ZNF541: variants seen among roughly 807,000 people sequenced by gnomAD.
The protein encoded by ZNF541 is zinc finger protein 541.
ZNF541 carries 23 observed loss-of-function variants against 123.5 expected under a neutral mutation model. The ratio of observed to expected loss-of-function variants is 0.19; its 90% CI spans 0.13 to 0.26. ZNF541 has a LOEUF of 0.26. Ranked by LOEUF, ZNF541 falls within the 10% of genes least tolerant of loss-of-function variation. The pLI is 1.00. For missense variants in ZNF541, 1,612 were observed against 1,789.9 expected, an observed-to-expected ratio of 0.90 and a Z score of 1.79; for synonymous variants, 751 against 754.5, an observed-to-expected ratio of 1.00 and a Z score of 0.08.
chr19:47,530,465 C>T (rs1013243998), intron 12 of ZNF541, among the ~76,000 whole-genome samples: 12 of 151,398 alleles, frequency 7.9e-5, no homozygotes, highest in South Asian at 2.1e-4. Flanking sequence ...GGATTACAGG[C>T]GTGAGCCATG....
intron 3 of ZNF541, among the ~76,000 whole-genome samples, chr19:47,553,963 A>C (rs1970712199): frequency 6.6e-6 from 1 of 152,244 alleles, no homozygotes. Flanking sequence ...TTAACAGTCC[A>C]AACAGCAAGA....
At position 47,522,456 on chromosome 19, in the gene ZNF541, G is replaced by A. The variant is rs542562072; in HGVS notation, c.3571-462C>T. ...TGTGAACCTAGGGGATTATTTTCCC[G>A]TTCCTCCACTAAGAAAGGATCCCAC... On this transcript the variant is annotated intron_variant, in intron 14 of 16. Transcript: ENST00000391901. 2.6e-5 allele frequency among the ~76,000 whole-genome samples: 4 copies of A among 152,258 alleles called. No individual in the cohort carries two copies. In the East Asian group the frequency reaches 7.7e-4, roughly 29 times the overall value.
chr19:47,556,840 C>G (rs751361604), intron 2 of ZNF541, among the ~76,000 whole-genome samples: 1 of 151,418 alleles, frequency 6.6e-6, no homozygotes, highest in Non-Finnish European at 1.5e-5. Flanking sequence ...TCACTGCAAC[C>G]TCTGCCTCCC....
chr19:47,548,874 A>C (rs1269200173), intron 4 of ZNF541, among the ~76,000 whole-genome samples: 1 of 152,060 alleles, frequency 6.6e-6, no homozygotes, highest in African/African-American at 2.4e-5. Flanking sequence ...TCAGGAGTTC[A>C]AGATCAGCCT....
intron 2 of ZNF541, among the ~76,000 whole-genome samples, chr19:47,558,362 G>A (rs1034265402): frequency 6.6e-6 from 1 of 151,868 alleles, no homozygotes; most frequent in African/African-American, 2.4e-5. Context: ...CTTGCAGTGA[G>A]CCGAGATCGT....
intron 5 of ZNF541, among the ~76,000 whole-genome samples, chr19:47,541,417 A>AAAAAAAT (rs530078048): frequency 3.3e-5 from 5 of 152,170 alleles, no homozygotes; most frequent in African/African-American, 1.2e-4. Flanking sequence ...CCTGTCTCAA[A>AAAAAAAT]AAAAAATAAA....
chr19:47,533,587 A>G (rs1321306237), intron 9 of ZNF541, among the ~76,000 whole-genome samples: 1 of 152,118 alleles, frequency 6.6e-6, no homozygotes, highest in Non-Finnish European at 1.5e-5. Flanking sequence ...TCACGCCTGT[A>G]ATCCCAGCAC....
At chr19:47,552,981 C>T (rs1358439155) in intron 3 of ZNF541, among the ~76,000 whole-genome samples, 1 of 150,530 alleles carries the variant, frequency 6.6e-6, no homozygotes, top group Non-Finnish European at 1.5e-5. Context: ...TGGTGGGGGA[C>T]ACCTGTAATC....
chr19:47,541,554 G>A (rs1301233358), intron 5 of ZNF541, among the ~76,000 whole-genome samples: 2 of 152,116 alleles, frequency 1.3e-5, no homozygotes, highest in African/African-American at 2.4e-5. Flanking sequence ...AATATATAGA[G>A]AACTCAAAAA....
At chr19:47,529,546 C>A in intron 13 of ZNF541, 31 bp downstream of exon 13, 4 of 1,550,250 alleles carry the variant, frequency 2.6e-6, no homozygotes, top group Non-Finnish European at 3.5e-6. Flanking sequence ...CTCAGCTGGG[C>A]CAAACCAGCT....
intron 8 of ZNF541, 93 bp downstream of exon 8, chr19:47,539,612 G>T (rs1969986587): frequency 1.5e-6 from 2 of 1,319,332 alleles, no homozygotes; most frequent in African/African-American, 1.6e-5. Flanking sequence ...TGGAGTCAAA[G>T]ATTTTCTGTG....
rs1007175964 is a variant in ZNF541, at chr19:47,553,791, C to T, written c.307+1759G>A. Among the ~76,000 whole-genome samples, 33 of 152,150 alleles carry T rather than the reference C, an allele frequency of 2.2e-4. 1 individual carries two copies. The highest frequency in any genetic ancestry group is 8.0e-4 in the African/African-American group (33 of 41,430). On this transcript the variant is annotated intron_variant, in intron 3 of 16. Coordinates refer to ENST00000391901, the MANE Select transcript of ZNF541 (RefSeq NM_001277075.3). Reference sequence around the variant, plus strand: ...CTTATCTCAAGCGATCCGCCCACCTCAGCCTCCCAAAGTACTAGGATTATA... The same window carrying T: ...CTTATCTCAAGCGATCCGCCCACCTTAGCCTCCCAAAGTACTAGGATTATA...
In ZNF541 at chr19:47,538,284, G is replaced by A. The variant is rs1354048300; in HGVS notation, c.2952C>T (p.Leu984=). The A allele has an allele frequency of 4.5e-6, 7 of 1,550,706 alleles. No homozygotes were observed. The highest frequency in any genetic ancestry group is 6.1e-6 in the Non-Finnish European group (7 of 1,146,480). ...LRSPMFLVDC[L]LKGLFQCSPY... is the part of the protein sequence containing the mutation. ...GGGAGCACTGGAATAAGCCCTTCAG[G>A]AGGCAGTCCACCAGGAACATGGGTG... Residue 984 remains leucine, a synonymous_variant, in exon 9 of 17, where the codon CTC becomes CTT. Coordinates refer to ENST00000391901, the MANE Select transcript of ZNF541 (RefSeq NM_001277075.3).
chr19:47,532,956 G>A lies in ZNF541; in HGVS notation c.3111C>T (p.Ser1037=). Residue 1037 remains serine (S), a synonymous_variant, in exon 10 of 17, where the codon TCC becomes TCT. Transcript: ENST00000391901. The part of the protein sequence containing the change: ...ISSMLDQVDG[S]FGICVVKDDT... ...CATCCTTCACCACACAGATGCCAAAGGACCCATCCACTTGATCTAGAAAGC... is the reference window on the plus strand; with the variant it reads ...CATCCTTCACCACACAGATGCCAAAAGACCCATCCACTTGATCTAGAAAGC... 1 of 1,549,408 alleles carries A rather than the reference G, an allele frequency of 6.5e-7. No homozygotes were observed. The highest frequency in any genetic ancestry group is 8.7e-7 in the Non-Finnish European group (1 of 1,145,788).
rs575334183 is a variant in ZNF541, at chr19:47,555,890, C to T, written c.-34G>A. 1 of 1,523,520 alleles carries T rather than the reference C, an allele frequency of 6.6e-7. No homozygotes were observed. Among genetic ancestry groups the T allele is most frequent in the African/African-American group, 1.4e-5 (1 of 72,472 alleles). The allele number at this position is 1,523,520 out of a possible 1,614,324, so 94.4% of individuals were successfully genotyped here. ...ACTGCCAGGTCTTGGCCAAAAGCTA[C>T]TCTCCAGATAAGCAAAACCATGTAA... is the stretch of plus-strand genomic sequence containing the variant. On this transcript the variant is annotated 5_prime_UTR_variant, in exon 3 of 17. Transcript: ENST00000391901.
chr19:47,528,840 G>GC (rs1264300116), intron 14 of ZNF541, 110 bp downstream of exon 14: 1 of 761,818 alleles, frequency 1.3e-6, no homozygotes, highest in African/African-American at 1.7e-5. Flanking sequence ...TAAGAGTGCT[G>GC]CCACAGGCAG....
At chr19:47,538,513 G>A in intron 8 of ZNF541, 74 bp from the exon 9 acceptor site, 1 of 1,402,704 alleles carries the variant, frequency 7.1e-7, no homozygotes, top group Non-Finnish European at 9.4e-7. Context: ...GATGGAAAGA[G>A]AGCAGGAAAA....
chr19:47,545,255 C>T lies in ZNF541; in HGVS notation c.1274G>A (p.Ser425Asn), dbSNP rs1158658121. ...GACAACAAACACGTTGTTGCCTTTG[C>T]TTTTGGGACAGCCCGGCAGGTTCCG... ...WLRNLPGCPKSKGNNVFVVHK... is the reference protein window; with the variant it reads ...WLRNLPGCPKNKGNNVFVVHK... The change falls in exon 5 of 17, where the codon AGC becomes AAC. Residue 425 changes from serine (S) to asparagine (N), a missense_variant. By Grantham distance (46) the Ser-to-Asn change is conservative. Coordinates refer to ENST00000391901, the MANE Select transcript of ZNF541 (RefSeq NM_001277075.3). This position sits in a 1 kb window ranked among gnomAD's most constrained non-coding sequence, Gnocchi z 7.5. The T allele has an allele frequency of 6.5e-7, 1 of 1,548,824 alleles. No homozygotes were observed. Among genetic ancestry groups the T allele is most frequent in the East Asian group, 2.4e-5 (1 of 40,894 alleles).
intron 2 of ZNF541, among the ~76,000 whole-genome samples, chr19:47,561,814 A>G (rs1450320533): frequency 6.6e-6 from 1 of 152,144 alleles, no homozygotes; most frequent in African/African-American, 2.4e-5. Flanking sequence ...CCCACAAAGA[A>G]CACAATCTTT....
Sources: gnomAD v4.1 joint callset for allele counts (sites outside exome capture counted in the v4.1 genomes callset) on GRCh38, gnomAD v4.1.1 for gene constraint, Gnocchi (gnomAD v3.1) non-coding constraint, MANE v1.5 for transcripts, NCBI Gene and HGNC (gene_info 2026-07-23, HGNC 2026-07-21) for gene names.